Variants in PDXDC1 observed in about 807,000 individuals in gnomAD.
The protein encoded by PDXDC1 is pyridoxal dependent decarboxylase domain containing 1.
In PDXDC1, 42 loss-of-function variants were observed where a neutral mutation model predicts 100.1. The ratio of observed to expected loss-of-function variants is 0.42; its 90% CI spans 0.33 to 0.54. The LOEUF (loss-of-function observed/expected upper bound fraction) is 0.54. Ranked by LOEUF, PDXDC1 falls within the 20% of genes least tolerant of loss-of-function variation. The pLI, the probability that PDXDC1 is intolerant of heterozygous loss-of-function variation, is 0.10. For missense variants in PDXDC1, 636 were observed against 979.2 expected (o/e 0.65, Z 4.68); for synonymous variants, 260 against 371.7 (o/e 0.70, Z 3.46).
At chr16:14,975,629 AC>A (rs1966707137) in intron 1 of PDXDC1, 1 of 985,406 alleles carries the variant, frequency 1.0e-6, no homozygotes, top group Non-Finnish European at 1.2e-6. Flanking sequence ...CCAGCTGCAA[AC>A]CTGTAGGTTT....
At chr16:15,142,907 A>G (rs930456868), downstream of PDXDC1, among the ~76,000 whole-genome samples, 1 of 152,040 alleles carries the variant, frequency 6.6e-6, no homozygotes, top group Non-Finnish European at 1.5e-5. Flanking sequence ...GCAAGAGCAC[A>G]GAGCAGAGTG....
chr16:15,074,568 G>A, intron 16 of PDXDC1: 1 of 461,772 alleles, frequency 2.2e-6, no homozygotes, highest in South Asian at 6.1e-5. Context: ...TATGTGACTG[G>A]CAAGTAACTT....
At chr16:15,041,191 T>C (rs573903421), downstream of PDXDC1, 8 of 1,048,682 alleles carry the variant, frequency 7.6e-6, no homozygotes, top group East Asian at 1.7e-4. Flanking sequence ...CTTTGTATAA[T>C]AAAGGCGAAG....
intron 16 of PDXDC1, chr16:15,055,749 G>T: frequency 2.4e-6 from 1 of 417,956 alleles, no homozygotes; most frequent in Non-Finnish European, 4.0e-6. Context: ...ACCCCTCAAG[G>T]GGAAGACGCG....
In PDXDC1 at chr16:15,104,567, C is replaced by T. The variant is rs142118405; in HGVS notation, c.1400-34312C>T. On this transcript the variant is annotated intron_variant, in intron 16 of 16. Coordinates refer to the PDXDC1 transcript ENST00000535621. Reference sequence around the variant, plus strand: ...TCGGAGGTGTCTTGAGATTATCATCCGCTGAGGGTGGAAGGGGATAGAGCA... The same window carrying T: ...TCGGAGGTGTCTTGAGATTATCATCTGCTGAGGGTGGAAGGGGATAGAGCA... The T allele has an allele frequency of 4.2e-4, 671 of 1,597,582 alleles. 5 individuals carry two copies. In the African/African-American group the frequency reaches 7.9e-3, roughly 19 times the overall value.
chr16:15,044,383 G>C (rs764580920), intron 16 of PDXDC1: 1 of 1,613,192 alleles, frequency 6.2e-7, no homozygotes, highest in Non-Finnish European at 8.5e-7. Context: ...CGTCACTGAA[G>C]CCTCCAACAA....
chr16:15,143,164 A>C (rs2457524), downstream of PDXDC1, among the ~76,000 whole-genome samples: 1 of 152,306 alleles, frequency 6.6e-6, no homozygotes, highest in Admixed American at 6.5e-5. Flanking sequence ...TCTGGAAGGC[A>C]GGAGGAGTTA....
At chr16:15,027,042 A>G (rs1446755210) in intron 14 of PDXDC1, among the ~76,000 whole-genome samples, 5 of 152,258 alleles carry the variant, frequency 3.3e-5, no homozygotes, top group Non-Finnish European at 5.9e-5. Context: ...TATCTTAAAG[A>G]ATGACCCAAG....
At position 15,037,836 on chromosome 16, in the gene PDXDC1, A is replaced by AAAT. The variant is rs916492066; in HGVS notation, c.*1564_*1566dup. The AAAT allele has an allele frequency of 6.1e-6, 3 of 492,080 alleles. No individual in the cohort carries two copies. The highest frequency in any genetic ancestry group is 1.1e-5 in the Non-Finnish European group (3 of 281,432). 30.5% of individuals were successfully genotyped at this position (492,080 alleles called of 1,614,324 possible). On this transcript the variant is annotated 3_prime_UTR_variant, in exon 23 of 23. Transcript: ENST00000396410. ...GACATCAATTTTTTAGTAAACCAAA[A>AAAT]AATAAGTCTCAACAAATGCCTTTGC...
intron 16 of PDXDC1, chr16:15,132,955 G>A (rs2048180252): frequency 1.3e-6 from 2 of 1,564,632 alleles, no homozygotes; most frequent in East Asian, 2.2e-5. Flanking sequence ...GACTCCCGGG[G>A]TGCAGTTACG....
intron 4 of PDXDC1, among the ~76,000 whole-genome samples, chr16:15,003,031 C>T (rs1973488186): frequency 6.6e-6 from 1 of 152,262 alleles, no homozygotes. Context: ...TCACAGTTAA[C>T]AATTGTAAAC....
At chr16:14,998,235 C>T (rs1184147033) in intron 2 of PDXDC1, 105 bp from the exon 3 acceptor site, 17 of 1,054,340 alleles carry the variant, frequency 1.6e-5, no homozygotes, top group Non-Finnish European at 2.3e-5. Context: ...AATCCTGCCT[C>T]AGTCACTGGG....
At chr16:14,992,185 A>G (rs1338104128) in intron 1 of PDXDC1, among the ~76,000 whole-genome samples, 1 of 152,296 alleles carries the variant, frequency 6.6e-6, no homozygotes, top group African/African-American at 2.4e-5. Flanking sequence ...TACAACCAAC[A>G]TTGTCAAGCA....
intron 16 of PDXDC1, among the ~76,000 whole-genome samples, chr16:15,082,999 A>G (rs1046265000): frequency 3.3e-5 from 5 of 152,264 alleles, no homozygotes; most frequent in Admixed American, 6.5e-5. Flanking sequence ...GCACATAGTA[A>G]TAACAGAAAA....
chr16:15,002,974 G>A (rs1973478137), intron 4 of PDXDC1, among the ~76,000 whole-genome samples: 1 of 152,264 alleles, frequency 6.6e-6, no homozygotes. Context: ...TCTAGGAACT[G>A]TCTGTTGCCC....
chr16:14,995,522 G>A (rs1170092448), intron 1 of PDXDC1, among the ~76,000 whole-genome samples: 2 of 152,290 alleles, frequency 1.3e-5, no homozygotes, highest in African/African-American at 4.8e-5. Flanking sequence ...GCTTTTTCAT[G>A]TGCTGCTGGA....
chr16:15,047,519 G>A (rs143783591), intron 16 of PDXDC1: 170 of 1,613,862 alleles, frequency 1.1e-4, no homozygotes, highest in East Asian at 3.6e-4. Context: ...TGTCGGTTCC[G>A]TCACAATGTG....
intron 16 of PDXDC1, chr16:15,130,567 C>T (rs2047998288): frequency 1.4e-6 from 2 of 1,384,518 alleles, no homozygotes; most frequent in East Asian, 4.6e-5. Context: ...CCCACAGGGC[C>T]TGTAACCCGG....
At position 14,975,072 on chromosome 16, in the gene PDXDC1, C is replaced by G. The variant is rs1489268184; in HGVS notation, c.-128C>G. The G allele has an allele frequency of 7.8e-5, 117 of 1,494,126 alleles. No individual in the cohort carries two copies. In the East Asian group the frequency reaches 2.8e-3, roughly 36 times the overall value. The allele number at this position is 1,494,126 out of a possible 1,614,324, so 92.6% of individuals were successfully genotyped here. ...AGCCCGCGGCGCCGCCTGGCAGCTC[C>G]TCCTCTTCTCCGCCCCGCCGGCCGC... On this transcript the variant is annotated 5_prime_UTR_variant, in exon 1 of 23. Coordinates refer to ENST00000396410, the MANE Select transcript of PDXDC1 (RefSeq NM_015027.4).
Sources: allele counts gnomAD v4.1 joint callset (sites outside exome capture counted in the v4.1 genomes callset), GRCh38; gene constraint gnomAD v4.1.1; transcripts MANE v1.5; gene names NCBI Gene and HGNC (gene_info 2026-07-23, HGNC 2026-07-21).